Variants in MYT1L observed in about 807,000 individuals in gnomAD.
MYT1L encodes the protein myelin transcription factor 1-like protein.
MYT1L carries 12 observed loss-of-function variants against 126.7 expected under a neutral mutation model. That is an observed-to-expected ratio of 0.09 (90% CI 0.06 to 0.15). The LOEUF is 0.15. Ranked by LOEUF, MYT1L falls within the 10% of genes least tolerant of loss-of-function variation. The probability of loss-of-function intolerance (pLI) is 1.00; values close to 1 mark genes in which losing one functional copy is unlikely to be tolerated. For missense variants in MYT1L, 979 were observed against 1,585.2 expected (o/e 0.62, Z 6.49); for synonymous variants, 541 against 604.2 (o/e 0.90, Z 1.53).
chr2:1,875,784 C>A (rs749023907), intron 18 of MYT1L, among the ~76,000 whole-genome samples: 1 of 152,288 alleles, frequency 6.6e-6, no homozygotes, highest in East Asian at 1.9e-4. Flanking sequence ...TGATGCCACA[C>A]CTAAGCCTCG....
rs116465847 is a variant in MYT1L, at chr2:2,177,960, G to A, written c.-420-4972C>T. On this transcript the variant is annotated intron_variant, in intron 2 of 24. Coordinates refer to ENST00000647738, the MANE Select transcript of MYT1L (RefSeq NM_001303052.2). Reference sequence around the variant, plus strand: ...CACAGACCCAGTGGATAGCTGAGATGATCTTTGGAGACAGGAGTAGGGTTG... The same window carrying A: ...CACAGACCCAGTGGATAGCTGAGATAATCTTTGGAGACAGGAGTAGGGTTG... 4.0e-3 allele frequency among the ~76,000 whole-genome samples: 610 copies of A among 152,296 alleles called. 2 individuals are homozygous for A. Among genetic ancestry groups the A allele is most frequent in the African/African-American group, 0.014 (590 of 41,576 alleles).
At chr2:2,086,268 G>T (rs980243752) in intron 3 of MYT1L, among the ~76,000 whole-genome samples, 3 of 152,128 alleles carry the variant, frequency 2.0e-5, no homozygotes, top group East Asian at 3.9e-4. Flanking sequence ...TTGTGTCAAC[G>T]GAGCACTCCA....
intron 4 of MYT1L, among the ~76,000 whole-genome samples, chr2:2,040,213 C>T (rs2067374051): frequency 6.6e-6 from 1 of 152,180 alleles, no homozygotes; most frequent in African/African-American, 2.4e-5. Context: ...GTGTCCTCAG[C>T]ACTTGACACT....
In MYT1L at chr2:1,977,861, A is replaced by G. The variant is rs1483117132; in HGVS notation, c.152+1304T>C. Reference sequence around the variant, plus strand: ...TTAGACTTTTAGATTAAATGCTGACATATATATTTCTTCATAAAATAATAC... The same window carrying G: ...TTAGACTTTTAGATTAAATGCTGACGTATATATTTCTTCATAAAATAATAC... On this transcript the variant is annotated intron_variant, in intron 8 of 24. Transcript: ENST00000647738. Among the ~76,000 whole-genome samples the G allele has an allele frequency of 2.0e-5, 3 of 152,250 alleles. No homozygotes were observed. The East Asian group carries it at 5.8e-4, about 29-fold the overall frequency.
intron 9 of MYT1L, among the ~76,000 whole-genome samples, chr2:1,940,309 C>T (rs1301946087): frequency 2.0e-5 from 3 of 149,234 alleles, no homozygotes; most frequent in Non-Finnish European, 3.0e-5. Context: ...TGCCAGGATG[C>T]TCAGTAAACT....
chr2:1,931,397 GC>G (rs1340116619), intron 9 of MYT1L, among the ~76,000 whole-genome samples: 2 of 151,804 alleles, frequency 1.3e-5, no homozygotes, highest in African/African-American at 4.8e-5. Context: ...CACGTCTGCT[GC>G]GCCTTGCAAG....
At chr2:1,875,915 CCTAT>C (rs941904855) in intron 18 of MYT1L, among the ~76,000 whole-genome samples, 40 of 152,238 alleles carry the variant, frequency 2.6e-4, no homozygotes, top group African/African-American at 8.9e-4. Context: ...AAAGTGGGCC[CCTAT>C]CTCTCTGTTC....
intron 3 of MYT1L, among the ~76,000 whole-genome samples, chr2:2,151,903 A>G (rs1160165947): frequency 6.6e-6 from 1 of 152,096 alleles, no homozygotes; most frequent in African/African-American, 2.4e-5. Context: ...AAAAACGCAA[A>G]AAATTAGCCA....
chr2:1,991,939 C>T (rs2061486232), intron 5 of MYT1L, among the ~76,000 whole-genome samples: 1 of 152,206 alleles, frequency 6.6e-6, no homozygotes, highest in South Asian at 2.1e-4. Context: ...CAGAGGACAT[C>T]ATAGCTGCCT....
intron 2 of MYT1L, among the ~76,000 whole-genome samples, chr2:2,202,779 A>G (rs1037508026): frequency 1.8e-4 from 27 of 152,206 alleles, no homozygotes; most frequent in Non-Finnish European, 3.4e-4. Flanking sequence ...TTATGAGGCC[A>G]ACATCATCCT....
At chr2:2,203,121 C>A (rs892365266) in intron 2 of MYT1L, among the ~76,000 whole-genome samples, 1 of 148,780 alleles carries the variant, frequency 6.7e-6, no homozygotes, top group Non-Finnish European at 1.5e-5. Context: ...TGGGACGTAT[C>A]TCAAAATAAT....
At chr2:1,941,888 C>A (rs1055296046) in intron 9 of MYT1L, among the ~76,000 whole-genome samples, 1 of 152,174 alleles carries the variant, frequency 6.6e-6, no homozygotes, top group Non-Finnish European at 1.5e-5. Flanking sequence ...CTAGTACAAA[C>A]TCCTCTGACT....
intron 2 of MYT1L, among the ~76,000 whole-genome samples, chr2:2,232,541 G>A (rs1362774754): frequency 6.6e-6 from 1 of 152,182 alleles, no homozygotes; most frequent in Non-Finnish European, 1.5e-5. Context: ...AGGCTTCTAT[G>A]AGTTTTTGAA....
chr2:1,839,291 A>T lies in MYT1L; in HGVS notation c.2938T>A (p.Leu980Met). The change falls in exon 21 of 25, where the codon TTG (leucine) becomes ATG (methionine). Residue 980 changes from leucine to methionine, a missense_variant. By Grantham distance (15) the Leu-to-Met change is conservative. Around this residue, in one of 12 missense-constraint regions of MYT1L, gnomAD observed 179 missense variants for 398.6 expected, o/e 0.45. Coordinates refer to ENST00000647738, the MANE Select transcript of MYT1L (RefSeq NM_001303052.2). ...ASHRSASGCP[L>M]AAKRQKDGYL... is the part of the protein sequence containing the mutation. ...CCGTCTTTCTGCCTCTTGGCCGCCAAGGGGCACCCGGAGGCGCTGCGATGG... is the reference window on the plus strand; with the variant it reads ...CCGTCTTTCTGCCTCTTGGCCGCCATGGGGCACCCGGAGGCGCTGCGATGG... 1 of 1,613,712 alleles carries T rather than the reference A, an allele frequency of 6.2e-7. No individual in the cohort carries two copies. Among genetic ancestry groups the T allele is most frequent in the Non-Finnish European group, 8.5e-7 (1 of 1,179,900 alleles).
chr2:1,810,727 C>T lies in MYT1L; in HGVS notation c.3081-1560G>A, dbSNP rs1371662636. On this transcript the variant is annotated intron_variant, in intron 21 of 24. Coordinates refer to ENST00000647738, the MANE Select transcript of MYT1L (RefSeq NM_001303052.2). ...AAAATTCATAGCAGAAGAACTTGAT[C>T]GTAATACATTTTCAACTGGGGATAT... Among the ~76,000 whole-genome samples, 2 of 152,046 alleles carry T rather than the reference C, an allele frequency of 1.3e-5. 1 individual carries two copies. Among genetic ancestry groups the T allele is most frequent in the South Asian group, 4.1e-4 (2 of 4,822 alleles).
intron 3 of MYT1L, among the ~76,000 whole-genome samples, chr2:2,109,921 ATATCCCTTTCAG>A (rs2079223111): frequency 8.1e-6 from 1 of 123,094 alleles, no homozygotes; most frequent in South Asian, 2.6e-4. Flanking sequence ...ATATATATAT[ATATCCCTTTCAG>A]AATAAATTCG....
At chr2:1,991,155 T>C (rs113812584) in intron 5 of MYT1L, among the ~76,000 whole-genome samples, 4,059 of 152,304 alleles carry the variant, frequency 0.027, 72 homozygotes, top group Non-Finnish European at 0.042. Context: ...TCCAGCCTGC[T>C]TCCGAGTAAG....
chr2:1,809,674 C>T (rs2036278781), intron 21 of MYT1L: 1 of 153,130 alleles, frequency 6.5e-6, no homozygotes, highest in Non-Finnish European at 1.5e-5. Context: ...TCCTGCTTCC[C>T]CAGTCTCAAA....
chr2:2,087,952 C>T (rs894162594), intron 3 of MYT1L, among the ~76,000 whole-genome samples: 1 of 152,228 alleles, frequency 6.6e-6, no homozygotes, highest in Non-Finnish European at 1.5e-5. Context: ...ACTTTGTGAT[C>T]ACGGCTGAGT....
Sources: allele counts gnomAD v4.1 joint callset (sites outside exome capture counted in the v4.1 genomes callset), GRCh38; gene constraint gnomAD v4.1.1; regional missense constraint gnomAD v4.1.1; transcripts MANE v1.5; gene names NCBI Gene and HGNC (gene_info 2026-07-23, HGNC 2026-07-21).